Variants in PRLR observed in about 807,000 individuals in gnomAD.
PRLR encodes prolactin receptor.
Under a neutral mutation model 40.2 loss-of-function variants are expected in PRLR, and 13 were observed. The observed-to-expected ratio is 0.32, with a 90% CI of 0.21 to 0.51. PRLR has a LOEUF of 0.51. PRLR is among the 20% of genes least tolerant of loss of function. PRLR has a pLI of 0.97. For missense variants in PRLR, 656 were observed against 747.3 expected (o/e 0.88, Z 1.42); for synonymous variants, 269 against 278.7 (o/e 0.97, Z 0.35).
intron 1 of PRLR, among the ~76,000 whole-genome samples, chr5:35,210,954 C>A (rs754309683): frequency 6.6e-6 from 1 of 152,142 alleles, no homozygotes; most frequent in Middle Eastern, 3.2e-3. Context: ...TGCAAGCAAT[C>A]CACCTGCCTC....
chr5:35,180,551 G>A lies in PRLR; in HGVS notation c.-106+49717C>T, dbSNP rs989242956. Among the ~76,000 whole-genome samples, 8 of 151,934 alleles carry A rather than the reference G, an allele frequency of 5.3e-5. No homozygotes were observed. The South Asian group carries it at 1.0e-3, about 20-fold the overall frequency. ...TGCTTCCTGTATAGCCTGCAGAACC[G>A]TGAGCCAATTAAACCTCTTTTCTTT... On this transcript the variant is annotated intron_variant, in intron 1 of 9. Coordinates refer to ENST00000618457, the MANE Select transcript of PRLR (RefSeq NM_000949.7).
chr5:35,075,628 A>G (rs1340414847), intron 5 of PRLR, among the ~76,000 whole-genome samples: 1 of 152,216 alleles, frequency 6.6e-6, no homozygotes, highest in Non-Finnish European at 1.5e-5. Context: ...ATAGCTGAAC[A>G]AAAGGTAGCA....
intron 5 of PRLR, among the ~76,000 whole-genome samples, chr5:35,074,242 C>G (rs943953333): frequency 2.0e-5 from 3 of 152,000 alleles, no homozygotes; most frequent in Non-Finnish European, 4.4e-5. Context: ...AGGTGGATCA[C>G]CTGAGGTCAG....
At chr5:35,124,250 A>C (rs933654797) in intron 1 of PRLR, among the ~76,000 whole-genome samples, 2 of 152,208 alleles carry the variant, frequency 1.3e-5, no homozygotes, top group Non-Finnish European at 2.9e-5. Flanking sequence ...GGCAGAGCTA[A>C]AACAAATGGG....
At chr5:35,049,810 C>T (rs1191320933) in intron 8 of PRLR, among the ~76,000 whole-genome samples, 1 of 151,846 alleles carries the variant, frequency 6.6e-6, no homozygotes, top group Non-Finnish European at 1.5e-5. Context: ...AAGAAGGATT[C>T]CTAGGTCAAA....
chr5:35,068,440 G>A (rs542173131), intron 8 of PRLR, among the ~76,000 whole-genome samples, 155 bp from the exon 9 acceptor site: 3 of 152,204 alleles, frequency 2.0e-5, no homozygotes, highest in Non-Finnish European at 2.9e-5. Flanking sequence ...AAATTACAGA[G>A]GCCTATATTA....
chr5:35,228,135 C>T (rs1367646020), intron 1 of PRLR, among the ~76,000 whole-genome samples: 3 of 148,252 alleles, frequency 2.0e-5, no homozygotes, highest in Non-Finnish European at 3.0e-5. Context: ...GACTATTGAA[C>T]ACTTATTTAT....
At chr5:35,110,920 C>T (rs1243769513) in intron 2 of PRLR, among the ~76,000 whole-genome samples, 1 of 152,092 alleles carries the variant, frequency 6.6e-6, no homozygotes. Context: ...TGGATCATGC[C>T]CTGTCTACAA....
At position 35,086,286 on chromosome 5, in the gene PRLR, T is replaced by C; in HGVS notation, c.125A>G (p.Glu42Gly). ...AGGCCTCCACCAGCAGGTGAATGTT[T>C]CCTTATTGGGAGAACGACATTTAAA... ...EIFKCRSPNK[E>G]TFTCWWRPGT... Residue 42 changes from glutamate (E) to glycine (G), a missense_variant, in exon 4 of 10, where the codon GAA (glutamate) becomes GGA (glycine). Physicochemically the swap from Glu to Gly is moderately conservative, Grantham distance 98. Transcript: ENST00000618457. 3 of 1,614,068 alleles carry C rather than the reference T, an allele frequency of 1.9e-6. No individual in the cohort carries two copies. The highest frequency in any genetic ancestry group is 2.5e-6 in the Non-Finnish European group (3 of 1,179,954).
chr5:35,073,452 C>G (rs1769875277), intron 5 of PRLR, among the ~76,000 whole-genome samples: 1 of 152,154 alleles, frequency 6.6e-6, no homozygotes, highest in South Asian at 2.1e-4. Context: ...TACTACATGC[C>G]AGGGACTGTA....
chr5:35,138,234 T>A (rs2914113), intron 1 of PRLR, among the ~76,000 whole-genome samples: 31,461 of 151,910 alleles, frequency 0.21, 5,865 homozygotes, highest in African/African-American at 0.5. Context: ...AAAAGATACT[T>A]TGGAAGTTTC....
intron 1 of PRLR, among the ~76,000 whole-genome samples, chr5:35,188,096 C>G (rs1775495962): frequency 1.3e-5 from 2 of 152,310 alleles, no homozygotes; most frequent in African/African-American, 4.8e-5. Context: ...TCTCCTGCTA[C>G]TGCAGTCACC....
At chr5:35,074,472 A>G (rs1266163160) in intron 5 of PRLR, among the ~76,000 whole-genome samples, 4 of 147,396 alleles carry the variant, frequency 2.7e-5, no homozygotes, top group African/African-American at 1.1e-4. Context: ...CAAAAAAAAA[A>G]ATGTGGAACA....
chr5:35,126,098 C>T (rs1263109447), intron 1 of PRLR, among the ~76,000 whole-genome samples: 1 of 152,174 alleles, frequency 6.6e-6, no homozygotes, highest in East Asian at 1.9e-4. Flanking sequence ...TCTGTTTACT[C>T]ATTTTTCCCA....
intron 1 of PRLR, among the ~76,000 whole-genome samples, chr5:35,228,471 A>C (rs1428640085): frequency 6.6e-6 from 1 of 152,196 alleles, no homozygotes; most frequent in Non-Finnish European, 1.5e-5. Context: ...GTTCAAAAGA[A>C]TATGGCTGCC....
chr5:35,176,985 T>C (rs964486592), intron 1 of PRLR, among the ~76,000 whole-genome samples: 1 of 152,164 alleles, frequency 6.6e-6, no homozygotes, highest in African/African-American at 2.4e-5. Context: ...AGGTGGGACC[T>C]GCGGGCAGCA....
At chr5:35,174,989 A>G (rs902824395) in intron 1 of PRLR, among the ~76,000 whole-genome samples, 1 of 152,238 alleles carries the variant, frequency 6.6e-6, no homozygotes, top group African/African-American at 2.4e-5. Context: ...AGGATGGTTT[A>G]AAAGTTATTT....
At chr5:35,145,464 T>G (rs964913319) in intron 1 of PRLR, among the ~76,000 whole-genome samples, 1 of 152,168 alleles carries the variant, frequency 6.6e-6, no homozygotes, top group African/African-American at 2.4e-5. Flanking sequence ...GATGAATCTT[T>G]GGAGGTTGCC....
chr5:35,069,106 C>T (rs1282291572), intron 7 of PRLR, among the ~76,000 whole-genome samples: 3 of 151,966 alleles, frequency 2.0e-5, no homozygotes, highest in African/African-American at 4.8e-5. Context: ...ATTTAAAAAT[C>T]CTTTCATTAT....
Sources: gnomAD v4.1 joint callset for allele counts (sites outside exome capture counted in the v4.1 genomes callset) on GRCh38, gnomAD v4.1.1 for gene constraint, MANE v1.5 for transcripts, NCBI Gene and HGNC (gene_info 2026-07-23, HGNC 2026-07-21) for gene names.